The following SIN3A variants were observed in gnomAD, a reference collection of about 807,000 sequenced individuals.
The protein encoded by SIN3A is paired amphipathic helix protein Sin3a.
A neutral mutation model predicts 146.1 loss-of-function variants in SIN3A; 14 were observed. The observed-to-expected ratio is 0.10, with a 90% CI of 0.06 to 0.15. SIN3A has a LOEUF of 0.15. Ranked by LOEUF, SIN3A falls within the 10% of genes least tolerant of loss-of-function variation. The probability of loss-of-function intolerance (pLI) is 1.00; values close to 1 mark genes in which losing one functional copy is unlikely to be tolerated. For missense variants in SIN3A, 1,028 were observed against 1,576.0 expected (o/e 0.65, Z 5.89); for synonymous variants, 572 against 572.0 (o/e 1.00, Z 0.00).
intron 1 of SIN3A, among the ~76,000 whole-genome samples, chr15:75,445,759 G>GAAAAA (rs774883850): frequency 5.8e-5 from 5 of 86,450 alleles, no homozygotes; most frequent in African/African-American, 8.4e-5. Context: ...TCAAAAAAAA[G>GAAAAA]AAAAAAAAAA....
In SIN3A at chr15:75,412,803, G is replaced by C; in HGVS notation, c.716C>G (p.Ala239Gly). 6.2e-7 allele frequency: 1 copy of C among 1,603,206 alleles called. No individual in the cohort carries two copies. Among genetic ancestry groups the C allele is most frequent in the Non-Finnish European group, 8.5e-7 (1 of 1,173,058 alleles). ...QPSAQSAPAP[A>G]QPAPQPPPAK... ...AGGTGGGGGCTGAGGAGCTGGCTGG[G>C]CAGGAGCTGGGGCTGACTGGGCTGA... The change falls in exon 5 of 21, where the codon GCC (alanine) becomes GGC (glycine). Residue 239 changes from alanine to glycine, a missense_variant. By Grantham distance (60) the Ala-to-Gly change is moderately conservative. Around this residue, in one of 9 missense-constraint regions of SIN3A, gnomAD observed 112 missense variants for 135.7 expected, o/e 0.83. Transcript: ENST00000394947.
intron 3 of SIN3A, chr15:75,415,909 A>C: frequency 3.4e-6 from 1 of 296,536 alleles, no homozygotes; most frequent in Admixed American, 3.8e-5. Flanking sequence ...AGGTACCCAA[A>C]GGGAAAAAGG....
At chr15:75,434,281 G>GAGTAGATATGAAGTT (rs2074063306) in intron 1 of SIN3A, among the ~76,000 whole-genome samples, 1 of 152,174 alleles carries the variant, frequency 6.6e-6, no homozygotes, top group South Asian at 2.1e-4. Flanking sequence ...AATGTTCAGT[G>GAGTAGATATGAAGTT]AGTAGATATG....
Position 75,407,110 on chromosome 15 carries a change from G to C in SIN3A, c.1352C>G (p.Ser451Cys). 1 of 1,612,786 alleles carries C rather than the reference G, an allele frequency of 6.2e-7. No individual in the cohort carries two copies. The highest frequency in any genetic ancestry group is 8.5e-7 in the Non-Finnish European group (1 of 1,179,336). ...ACCATGTTTGCTGGCATCTGCCATA[G>C]AAGAATCCTTCAGATTGAGCAGTTT... ...KPKLLNLKDS[S>C]MADASKHGGG... Residue 451 changes from serine (S) to cysteine (C), a missense_variant, in exon 9 of 21, where the codon TCT (serine) becomes TGT (cysteine). By Grantham distance (112) the Ser-to-Cys change is moderately radical (BLOSUM62 -1). Transcript: ENST00000394947.
rs765157911 is a variant in SIN3A at position 75,381,674 on chromosome 15, T to C, written c.3227A>G (p.Gln1076Arg). 3.1e-6 allele frequency: 5 copies of C among 1,614,062 alleles called. No homozygotes were observed. Among genetic ancestry groups the C allele is most frequent in the South Asian group, 2.2e-5 (2 of 91,066 alleles). The part of the protein sequence containing the change: ...LMFIQSQGQV[Q>R]LTIELLDTEE... ...TGTGTCCAGAAGCTCAATAGTCAGC[T>C]GGACCTGGCCTTGGCTCTGAATAAA... Residue 1076 changes from glutamine (Q) to arginine (R), a missense_variant, in exon 18 of 21, where the codon CAG becomes CGG. This residue lies in a region of SIN3A where 488 missense variants were observed against 690.2 expected (regional missense o/e 0.71). Transcript: ENST00000394947.
intron 8 of SIN3A, among the ~76,000 whole-genome samples, chr15:75,408,556 A>AC (rs1267260705): frequency 2.0e-5 from 3 of 152,250 alleles, no homozygotes; most frequent in African/African-American, 7.2e-5. Flanking sequence ...TTCAATACAT[A>AC]CAACTAGCCC....
rs758710095 is a variant in SIN3A, at chr15:75,396,484, A to G, written c.1867T>C (p.Leu623=). 16 of 1,612,136 alleles carry G rather than the reference A, an allele frequency of 9.9e-6. No individual in the cohort carries two copies. The South Asian group carries it at 1.5e-4, about 16-fold the overall frequency. The change falls in exon 13 of 21, where the codon TTA becomes CTA. Residue 623 remains leucine, a synonymous_variant. Transcript: ENST00000394947. ...CGGATTGTTGCCAGATTGGTCTCTA[A>G]AACTACATCAAGCTGAAGAGGAAGA... ...EDERFELDVV[L]ETNLATIRVL...
Position 75,411,616 on chromosome 15 carries a change from G to T in SIN3A, c.884C>A (p.Ser295Tyr), listed in dbSNP as rs746878015. 1.2e-6 allele frequency: 2 copies of T among 1,614,200 alleles called. No homozygotes were observed. The highest frequency in any genetic ancestry group is 1.7e-6 in the Non-Finnish European group (2 of 1,180,050). ...PVTISLGTAP[S>Y]LQNNQPVEFN... ...CTCCACAGGTTGATTGTTCTGCAAG[G>T]ATGGGGCCGTTCCCAACGAGATTGT... The change falls in exon 6 of 21, where the codon TCC becomes TAC. Residue 295 changes from serine to tyrosine, a missense_variant. This residue lies in a region of SIN3A where 112 missense variants were observed against 135.7 expected (regional missense o/e 0.83). Transcript: ENST00000394947.
chr15:75,401,534 CA>C (rs998204721), intron 10 of SIN3A, among the ~76,000 whole-genome samples: 4 of 146,898 alleles, frequency 2.7e-5, no homozygotes, highest in African/African-American at 7.5e-5. Flanking sequence ...GACTTCATCT[CA>C]AAAAAAAAAT....
intron 1 of SIN3A, among the ~76,000 whole-genome samples, chr15:75,433,892 C>T (rs992490560): frequency 4.6e-5 from 7 of 152,208 alleles, no homozygotes; most frequent in Admixed American, 3.3e-4. Context: ...ATTGCTTCCG[C>T]TCTAATCATA....
intron 12 of SIN3A, among the ~76,000 whole-genome samples, chr15:75,398,295 C>T (rs2073341499): frequency 1.3e-5 from 2 of 152,202 alleles, no homozygotes; most frequent in South Asian, 4.1e-4. Context: ...AGCCCACTTT[C>T]AGTAGTCCCT....
intron 1 of SIN3A, among the ~76,000 whole-genome samples, chr15:75,438,917 T>A (rs1163822244): frequency 1.3e-5 from 2 of 152,216 alleles, no homozygotes; most frequent in East Asian, 3.8e-4. Context: ...AAAGTCCACC[T>A]CTGGTTTTAA....
chr15:75,421,832 G>C (rs1304816644), intron 3 of SIN3A: 1 of 152,182 alleles, frequency 6.6e-6, no homozygotes, highest in African/African-American at 2.4e-5. Flanking sequence ...AGTGGTCAGA[G>C]ATACAAGGTT....
Position 75,375,745 on chromosome 15 carries a change from G to A in SIN3A, c.3511C>T (p.Leu1171=). The change falls in exon 20 of 21, where the codon CTG becomes TTG. Residue 1171 remains leucine, a synonymous_variant. Transcript: ENST00000394947. ...SLDKLECRFK[L]NSYKMVYVIK... The stretch of plus-strand genomic sequence containing the variant: ...ACATACACCATCTTGTAGGAATTCA[G>A]CTTGAATCTACACTCCAGCTTATCC... The A allele has an allele frequency of 6.2e-7, 1 of 1,613,528 alleles. No individual in the cohort carries two copies. Among genetic ancestry groups the A allele is most frequent in the Middle Eastern group, 1.6e-4 (1 of 6,062 alleles).
chr15:75,383,251 AAC>A (rs1390893966), intron 17 of SIN3A, among the ~76,000 whole-genome samples: 2 of 151,610 alleles, frequency 1.3e-5, no homozygotes, highest in Non-Finnish European at 2.9e-5. Context: ...CAGCCTGGGC[AAC>A]AGTGTGTGTC....
chr15:75,450,471 G>A (rs901526275), intron 1 of SIN3A, among the ~76,000 whole-genome samples: 3 of 152,076 alleles, frequency 2.0e-5, no homozygotes, highest in Non-Finnish European at 4.4e-5. Context: ...ATGACTCCCT[G>A]CCCCTCCCCT....
At chr15:75,393,021 G>A (rs2073237882) in intron 14 of SIN3A, among the ~76,000 whole-genome samples, 1 of 152,198 alleles carries the variant, frequency 6.6e-6, no homozygotes, top group African/African-American at 2.4e-5. Flanking sequence ...CTTGAGGTCA[G>A]GAGTTTGAGA....
intron 1 of SIN3A, among the ~76,000 whole-genome samples, chr15:75,431,697 T>C (rs2074016658): frequency 6.6e-6 from 1 of 152,198 alleles, no homozygotes; most frequent in African/African-American, 2.4e-5. Flanking sequence ...ACCCAAGATC[T>C]TTTCTTTATC....
chr15:75,390,196 T>C (rs1484918792), intron 15 of SIN3A, among the ~76,000 whole-genome samples: 1 of 152,200 alleles, frequency 6.6e-6, no homozygotes, highest in Non-Finnish European at 1.5e-5. Context: ...CACAAGAGCA[T>C]TCCTCACATG....
Sources: gnomAD v4.1 joint callset for allele counts (sites outside exome capture counted in the v4.1 genomes callset) on GRCh38, gnomAD v4.1.1 for gene constraint, gnomAD v4.1.1 regional missense constraint, MANE v1.5 for transcripts, NCBI Gene and HGNC (gene_info 2026-07-23, HGNC 2026-07-21) for gene names.